EYS: variants seen among roughly 807,000 people sequenced by gnomAD.
The protein encoded by EYS is EGF-like photoreceptor maintenance factor, also known as protein eyes shut homolog.
EYS carries 250 observed loss-of-function variants against 282.1 expected under a neutral mutation model. That is an observed-to-expected ratio of 0.89 (90% confidence interval 0.80 to 0.98). The LOEUF is 0.98. EYS is among the 50% of genes least tolerant of loss of function. The probability of loss-of-function intolerance (pLI) is 0.00; values close to 1 mark genes in which losing one functional copy is unlikely to be tolerated. For missense variants in EYS, 4,016 were observed against 3,709.0 expected (o/e 1.08, Z -2.15); for synonymous variants, 1,355 against 1,282.9 (o/e 1.06, Z -1.20).
chr6:65,443,201 ATATATGTATG>A (rs1768453299), intron 5 of EYS, among the ~76,000 whole-genome samples: 1 of 151,914 alleles, frequency 6.6e-6, no homozygotes, highest in Non-Finnish European at 1.5e-5. Context: ...ATGTGCGCAC[ATATATGTATG>A]CATCATATAC....
chr6:65,465,162 T>A (rs755508397), intron 5 of EYS, among the ~76,000 whole-genome samples: 14 of 151,766 alleles, frequency 9.2e-5, no homozygotes, highest in Non-Finnish European at 1.6e-4. Flanking sequence ...GAGAAATAAA[T>A]GAGATAAAAA....
intron 19 of EYS, among the ~76,000 whole-genome samples, chr6:64,869,464 G>A (rs994629319): frequency 1.3e-5 from 2 of 151,392 alleles, no homozygotes; most frequent in South Asian, 2.1e-4. Context: ...GGTAATGAAT[G>A]AGAAGAAAAT....
intron 33 of EYS, among the ~76,000 whole-genome samples, chr6:64,019,273 C>A (rs574924091): frequency 1.6e-4 from 25 of 152,238 alleles, no homozygotes; most frequent in Admixed American, 1.1e-3. Context: ...GTGCAGCCTG[C>A]CTACATAACA....
chr6:64,879,837 A>T (rs1309784569), intron 19 of EYS, among the ~76,000 whole-genome samples: 1 of 152,092 alleles, frequency 6.6e-6, no homozygotes, highest in Non-Finnish European at 1.5e-5. Flanking sequence ...CCATAGAAAC[A>T]ATTAGATATG....
intron 39 of EYS, among the ~76,000 whole-genome samples, chr6:63,781,098 A>G (rs923814852): frequency 1.3e-5 from 2 of 152,058 alleles, no homozygotes; most frequent in Non-Finnish European, 2.9e-5. Flanking sequence ...GTTCTTTTCC[A>G]TTGGTCTATA....
intron 2 of EYS, among the ~76,000 whole-genome samples, chr6:65,606,200 T>C (rs1010472610): frequency 6.7e-6 from 1 of 149,628 alleles, no homozygotes; most frequent in African/African-American, 2.5e-5. Context: ...TTACAACCAG[T>C]ATTCAAAAAT....
At chr6:64,831,231 ATT>A (rs1210362170) in intron 19 of EYS, among the ~76,000 whole-genome samples, 1 of 151,934 alleles carries the variant, frequency 6.6e-6, no homozygotes, top group Non-Finnish European at 1.5e-5. Context: ...ATGCTTTTAA[ATT>A]TTTTTGTCAA....
chr6:65,363,642 A>G (rs1582190145), intron 8 of EYS, among the ~76,000 whole-genome samples: 1 of 151,884 alleles, frequency 6.6e-6, no homozygotes, highest in East Asian at 1.9e-4. Flanking sequence ...AATTAGTTAA[A>G]AACTTTGATA....
intron 5 of EYS, among the ~76,000 whole-genome samples, chr6:65,442,281 G>A (rs2150393296): frequency 6.6e-6 from 1 of 151,828 alleles, no homozygotes; most frequent in African/African-American, 2.4e-5. Context: ...TCAGTACTTG[G>A]TCTCACCTCA....
chr6:65,352,224 G>A (rs1454301192), intron 9 of EYS, among the ~76,000 whole-genome samples: 1 of 151,772 alleles, frequency 6.6e-6, no homozygotes, highest in Admixed American at 6.6e-5. Context: ...CTAATTGTTA[G>A]TTTACTTCAA....
intron 7 of EYS, among the ~76,000 whole-genome samples, chr6:65,394,231 C>A (rs547816633): frequency 6.7e-6 from 1 of 149,642 alleles, no homozygotes; most frequent in African/African-American, 2.5e-5. Flanking sequence ...TATGTGCGCA[C>A]GTGTGTGTGT....
chr6:64,061,446 G>A (rs1310617480), intron 33 of EYS, among the ~76,000 whole-genome samples: 1 of 152,140 alleles, frequency 6.6e-6, no homozygotes, highest in Non-Finnish European at 1.5e-5. Flanking sequence ...GAATTACAGT[G>A]TACCTGTAGA....
intron 30 of EYS, among the ~76,000 whole-genome samples, chr6:64,259,354 C>G (rs756483126): frequency 2.0e-5 from 3 of 152,014 alleles, no homozygotes; most frequent in Non-Finnish European, 2.9e-5. Context: ...TCTCTGACCT[C>G]CCTTTTCTTA....
At chr6:64,885,797 C>A (rs1221117635) in intron 19 of EYS, among the ~76,000 whole-genome samples, 7 of 151,700 alleles carry the variant, frequency 4.6e-5, no homozygotes, top group Non-Finnish European at 8.9e-5. Context: ...TTTCTCTCAC[C>A]TTTTGATTAC....
chr6:64,120,543 T>C (rs1239623320), intron 31 of EYS, among the ~76,000 whole-genome samples: 1 of 151,908 alleles, frequency 6.6e-6, no homozygotes, highest in Non-Finnish European at 1.5e-5. Context: ...AGATCAAAAT[T>C]CTTTAGATTT....
chr6:65,255,966 T>A (rs571364202), intron 12 of EYS, among the ~76,000 whole-genome samples: 1 of 151,912 alleles, frequency 6.6e-6, no homozygotes, highest in South Asian at 2.1e-4. Context: ...TAAAAATAAA[T>A]CTACCATATG....
intron 19 of EYS, among the ~76,000 whole-genome samples, chr6:64,823,887 T>C (rs1367835249): frequency 2.0e-5 from 3 of 152,050 alleles, no homozygotes; most frequent in Middle Eastern, 6.8e-3. Context: ...TTGGAAAACA[T>C]GGTTCTTGTA....
chr6:65,136,535 C>A (rs1453775032), intron 12 of EYS, among the ~76,000 whole-genome samples: 2 of 151,918 alleles, frequency 1.3e-5, no homozygotes, highest in East Asian at 3.9e-4. Context: ...TATGTCAGAT[C>A]TTAGGTGATA....
intron 1 of EYS, among the ~76,000 whole-genome samples, chr6:65,653,163 T>G (rs992949325): frequency 6.6e-6 from 1 of 151,764 alleles, no homozygotes; most frequent in African/African-American, 2.4e-5. Flanking sequence ...TGTTTTCTAT[T>G]TCTTCACTTA....
Sources: allele counts gnomAD v4.1 joint callset (sites outside exome capture counted in the v4.1 genomes callset), GRCh38; gene constraint gnomAD v4.1.1; transcripts MANE v1.5; gene names NCBI Gene and HGNC (gene_info 2026-07-23, HGNC 2026-07-21).